POLR3GL: variants seen among roughly 807,000 people sequenced by gnomAD.
POLR3GL encodes DNA-directed RNA polymerase III subunit RPC7-like.
A neutral mutation model predicts 32.4 loss-of-function variants in POLR3GL; 26 were observed. The ratio of observed to expected loss-of-function variants is 0.80; its 90% confidence interval spans 0.59 to 1.11. The LOEUF (loss-of-function observed/expected upper bound fraction) is 1.11. POLR3GL is among the 50% of genes most tolerant of loss of function. The pLI is 0.00. For missense variants in POLR3GL, 229 were observed against 280.1 expected, an observed-to-expected ratio of 0.82 and a Z score of 1.30; for synonymous variants, 95 against 98.7, an observed-to-expected ratio of 0.96 and a Z score of 0.22.
At chr1:145,977,716 G>C in intron 5 of POLR3GL, 62 bp from the exon 6 acceptor site, 2 of 1,480,306 alleles carry the variant, frequency 1.4e-6, no homozygotes, top group Non-Finnish European at 1.9e-6. Context: ...TTTGCATGAG[G>C]ATGGGCTATA....
Position 145,975,454 on chromosome 1 carries a change from C to T in POLR3GL, c.256+18C>T. On this transcript the variant is annotated intron_variant, in intron 3 of 7. Coordinates refer to ENST00000369314, the MANE Select transcript of POLR3GL (RefSeq NM_032305.3). Reference sequence around the variant, plus strand: ...CAAGAGAGGTCAGTTGGAATGCTAGCATCATATTCTGAGTGCCTTCCATGG... The same window carrying T: ...CAAGAGAGGTCAGTTGGAATGCTAGTATCATATTCTGAGTGCCTTCCATGG... 1 of 1,609,376 alleles carries T rather than the reference C, an allele frequency of 6.2e-7. No homozygotes were observed.
At chr1:145,975,243 G>T in intron 2 of POLR3GL, 64 bp from the exon 3 acceptor site, 1 of 1,579,162 alleles carries the variant, frequency 6.3e-7, no homozygotes, top group East Asian at 2.3e-5. Flanking sequence ...ATTGGGAGGA[G>T]GGGTCTTCCT....
intron 1 of POLR3GL, among the ~76,000 whole-genome samples, chr1:145,969,147 G>A (rs1032436336): frequency 1.3e-5 from 2 of 151,960 alleles, no homozygotes; most frequent in Non-Finnish European, 2.9e-5. Flanking sequence ...TGCCCAGACT[G>A]GTGCACAGTG....
chr1:145,966,611 C>T (rs1559251894), intron 1 of POLR3GL, among the ~76,000 whole-genome samples: 1 of 151,252 alleles, frequency 6.6e-6, no homozygotes, highest in African/African-American at 2.4e-5. Context: ...CATGGAGAAA[C>T]CCCATCTCTA....
At position 145,977,409 on chromosome 1, in the gene POLR3GL, C is replaced by CT. The variant is rs147183625; in HGVS notation, c.326-71dup. ...CCTCTCCTTTAAAACCCTCACCCCC[C>CT]TTTAAAACCAGTCAGTATTCACTGG... is the stretch of plus-strand genomic sequence containing the variant. On this transcript the variant is annotated intron_variant, in intron 4 of 7. Transcript: ENST00000369314. 2.7e-6 allele frequency: 4 copies of CT among 1,456,908 alleles called. No homozygotes were observed. The African/African-American group carries it at 5.6e-5, about 20-fold the overall frequency. 90.2% of individuals were successfully genotyped at this position (1,456,908 alleles called of 1,614,324 possible). A position where few individuals can be genotyped will look rare whatever the true frequency, so the allele number is the denominator to read the frequency against.
chr1:145,976,012 G>A (rs1431994753), intron 3 of POLR3GL, among the ~76,000 whole-genome samples: 2 of 151,890 alleles, frequency 1.3e-5, no homozygotes, highest in Non-Finnish European at 2.9e-5. Context: ...GGTGGCTTAC[G>A]CCTGTAATGG....
chr1:145,972,665 A>G (rs1221472909), intron 1 of POLR3GL, among the ~76,000 whole-genome samples: 1 of 151,908 alleles, frequency 6.6e-6, no homozygotes, highest in Non-Finnish European at 1.5e-5. Context: ...AGCCTCATCA[A>G]TATGTTTATT....
At chr1:145,975,051 C>G (rs975628071) in intron 2 of POLR3GL, 60 bp downstream of exon 2, 16 of 1,491,416 alleles carry the variant, frequency 1.1e-5, no homozygotes, top group Middle Eastern at 3.6e-4. Context: ...GTACATGATT[C>G]TGAATTCCTC....
Position 145,977,169 on chromosome 1 carries a change from T to G in POLR3GL, c.325+17T>G. On this transcript the variant is annotated intron_variant, in intron 4 of 7. Coordinates refer to ENST00000369314, the MANE Select transcript of POLR3GL (RefSeq NM_032305.3). The stretch of plus-strand genomic sequence containing the variant: ...GGAACCCTGGTAGGTGATGGGCCCT[T>G]TCATTGACTGCCCTTCTTTCAAATG... 1 of 1,592,018 alleles carries G rather than the reference T, an allele frequency of 6.3e-7. No individual in the cohort carries two copies. Among genetic ancestry groups the G allele is most frequent in the Non-Finnish European group, 8.6e-7 (1 of 1,159,886 alleles).
At chr1:145,976,129 G>T (rs1311447584) in intron 3 of POLR3GL, among the ~76,000 whole-genome samples, 4 of 152,096 alleles carry the variant, frequency 2.6e-5, no homozygotes, top group Non-Finnish European at 5.9e-5. Flanking sequence ...ATAAAAATTA[G>T]CCAGGCACAG....
intron 1 of POLR3GL, among the ~76,000 whole-genome samples, chr1:145,971,447 T>C (rs1337683313): frequency 6.6e-6 from 1 of 152,160 alleles, no homozygotes; most frequent in African/African-American, 2.4e-5. Flanking sequence ...TTGGGTATAT[T>C]GTAGGATGCC....
At chr1:145,965,533 T>TC (rs1214562889) in intron 1 of POLR3GL, among the ~76,000 whole-genome samples, 2 of 152,218 alleles carry the variant, frequency 1.3e-5, no homozygotes, top group Non-Finnish European at 2.9e-5. Context: ...AGAAATGATG[T>TC]ATTTATTCAT....
intron 4 of POLR3GL, 95 bp from the exon 5 acceptor site, chr1:145,977,388 T>G: frequency 7.9e-7 from 1 of 1,268,480 alleles, no homozygotes; most frequent in Non-Finnish European, 1.1e-6. Flanking sequence ...TTCCTTCCTC[T>G]CCTTTAAAAC....
chr1:145,975,534 A>G (rs587753697), intron 3 of POLR3GL, 98 bp downstream of exon 3: 326 of 1,380,844 alleles, frequency 2.4e-4, no homozygotes, highest in Non-Finnish European at 1.6e-4. Flanking sequence ...GAAGCATACT[A>G]TCTAACTGGG....
At chr1:145,970,782 A>G (rs1650243054) in intron 1 of POLR3GL, among the ~76,000 whole-genome samples, 1 of 147,010 alleles carries the variant, frequency 6.8e-6, no homozygotes, top group East Asian at 2.1e-4. Flanking sequence ...AGGCTGAGGC[A>G]GGAGAATCGC....
chr1:145,966,854 A>C (rs782454611), intron 1 of POLR3GL, among the ~76,000 whole-genome samples: 3 of 152,182 alleles, frequency 2.0e-5, no homozygotes, highest in Non-Finnish European at 2.9e-5. Context: ...CCATTCATTT[A>C]TTGTTAGATT....
At position 145,977,540 on chromosome 1, in the gene POLR3GL, G is replaced by GT; in HGVS notation, c.382+2dup. ...CGAGTGCGGAAGCTACAGAAGGAAC[G>GT]TGAGTGTATCTGGAAAAAAGGAGGG... On this transcript the variant is annotated splice_donor_variant, in intron 5 of 7. Coordinates refer to ENST00000369314, the MANE Select transcript of POLR3GL (RefSeq NM_032305.3). LOFTEE classifies it high-confidence loss of function. 6.2e-7 allele frequency: 1 copy of GT among 1,613,798 alleles called. No individual in the cohort carries two copies. Among genetic ancestry groups the GT allele is most frequent in the Non-Finnish European group, 8.5e-7 (1 of 1,179,672 alleles).
Position 145,978,519 on chromosome 1 carries a change from G to T in POLR3GL, c.*72G>T. 2 of 987,030 alleles carry T rather than the reference G, an allele frequency of 2.0e-6. No individual in the cohort carries two copies. The highest frequency in any genetic ancestry group is 1.4e-5 in the South Asian group (1 of 73,796). 61.1% of individuals were successfully genotyped at this position (987,030 alleles called of 1,614,324 possible). The stretch of plus-strand genomic sequence containing the variant: ...ACTGTACCTATTATTTGTTTCTTCA[G>T]ACAAGCAAATCATTTGGTCAGAGTT... On this transcript the variant is annotated 3_prime_UTR_variant, in exon 8 of 8. Coordinates refer to ENST00000369314, the MANE Select transcript of POLR3GL (RefSeq NM_032305.3).
At chr1:145,977,902 C>G (rs781995888) in intron 6 of POLR3GL, 51 bp downstream of exon 6, 2 of 1,613,894 alleles carry the variant, frequency 1.2e-6, no homozygotes, top group Non-Finnish European at 8.5e-7. Flanking sequence ...TCCATTCCCT[C>G]TCTCTTGGCC....
Sources: gnomAD v4.1 joint callset for allele counts (sites outside exome capture counted in the v4.1 genomes callset) on GRCh38, gnomAD v4.1.1 for gene constraint, MANE v1.5 for transcripts, NCBI Gene and HGNC (gene_info 2026-07-23, HGNC 2026-07-21) for gene names.